Variants in PIGO observed in about 807,000 individuals in gnomAD.
PIGO encodes GPI ethanolamine phosphate transferase 3, catalytic subunit.
In PIGO, 66 loss-of-function variants were observed where a neutral mutation model predicts 86.9. That is an observed-to-expected ratio of 0.76 (90% CI 0.62 to 0.93). The LOEUF is 0.93. PIGO is among the 40% of genes least tolerant of loss of function. The pLI is 0.00. For missense variants in PIGO, 1,202 were observed against 1,359.1 expected (o/e 0.88, Z 1.82); for synonymous variants, 570 against 556.4 (o/e 1.02, Z -0.34).
Position 35,095,094 on chromosome 9 carries a change from T to C in PIGO, c.472A>G (p.Ile158Val), listed in dbSNP as rs905649320. Residue 158 changes from isoleucine to valine, a missense_variant, in exon 2 of 11, where the codon ATA becomes GTA. Coordinates refer to ENST00000378617, the MANE Select transcript of PIGO (RefSeq NM_032634.4). ...TGCTTAATGAGATTGTCTTCCACTATGGCGTGGCTGGCGAAGTTACTACCA... is the reference window on the plus strand; with the variant it reads ...TGCTTAATGAGATTGTCTTCCACTACGGCGTGGCTGGCGAAGTTACTACCA... ...DAGSNFASHA[I>V]VEDNLIKQLT... 1.2e-6 allele frequency: 2 copies of C among 1,611,082 alleles called. No individual in the cohort carries two copies. Among genetic ancestry groups the C allele is most frequent in the East Asian group, 2.2e-5 (1 of 44,874 alleles).
chr9:35,095,266 G>A lies in PIGO; in HGVS notation c.300C>T (p.Phe100=), dbSNP rs760405794. The A allele has an allele frequency of 2.5e-6, 4 of 1,614,036 alleles. No individual in the cohort carries two copies. The East Asian group carries it at 6.7e-5, about 27-fold the overall frequency. The change falls in exon 2 of 11, where the codon TTC becomes TTT. Residue 100 remains phenylalanine (F), a synonymous_variant. Coordinates refer to ENST00000378617, the MANE Select transcript of PIGO (RefSeq NM_032634.4). ...TCTGCAAGGAGCTTAGTTTGCCCAG[G>A]AAGGGTAGGGAGACAGGAGGCTCTC... The part of the protein sequence containing the change: ...VPREPPVSLP[F]LGKLSSLQRI...
chr9:35,093,481 C>T lies in PIGO; in HGVS notation c.879G>A (p.Glu293=), dbSNP rs753637423. The T allele has an allele frequency of 3.7e-6, 6 of 1,614,178 alleles. No homozygotes were observed. In the South Asian group the frequency reaches 6.6e-5, roughly 18 times the overall value. ...TATACAGAAAGAGAGCAGCTGAGAC[C>T]TCCAGCTCACTGTCCCCTCCATGGT... is the stretch of plus-strand genomic sequence containing the variant. The part of the protein sequence containing the change: ...NGDHGGDSEL[E]VSAALFLYSP... The change falls in exon 5 of 11, where the codon GAG becomes GAA. Residue 293 remains glutamate (E), a synonymous_variant. Coordinates refer to ENST00000378617, the MANE Select transcript of PIGO (RefSeq NM_032634.4).
At position 35,092,999 on chromosome 9, in the gene PIGO, T is replaced by C. The variant is rs1829504539; in HGVS notation, c.1119+31A>G. The C allele has an allele frequency of 1.9e-6, 3 of 1,590,934 alleles. No individual in the cohort carries two copies. The East Asian group carries it at 6.8e-5, about 36-fold the overall frequency. ...GCTTCTTTCATGCCCACCCTAGCTC[T>C]GTCACCTGGAAACCCAGCCCGCTTA... On this transcript the variant is annotated intron_variant, in intron 6 of 10. Transcript: ENST00000378617.
At position 35,095,136 on chromosome 9, in the gene PIGO, G is replaced by T. The variant is rs1829606243; in HGVS notation, c.430C>A (p.Pro144Thr). Residue 144 changes from proline to threonine, a missense_variant, in exon 2 of 11, where the codon CCT becomes ACT. Physicochemically the swap from Pro to Thr is conservative, Grantham distance 38. Transcript: ENST00000378617. Reference protein sequence around the residue: ...RLKALTTGSLPTFIDAGSNFA... With the variant: ...RLKALTTGSLTTFIDAGSNFA... ...TTACTACCAGCATCAATAAAGGTAG[G>T]CAGTGAGCCAGTGGTGAGGGCCTTG... is the stretch of plus-strand genomic sequence containing the variant. 1 of 1,614,076 alleles carries T rather than the reference G, an allele frequency of 6.2e-7. No individual in the cohort carries two copies. The highest frequency in any genetic ancestry group is 1.7e-5 in the Admixed American group (1 of 60,012).
At position 35,093,464 on chromosome 9, in the gene PIGO, A is replaced by G; in HGVS notation, c.896T>C (p.Phe299Ser). The G allele has an allele frequency of 6.2e-7, 1 of 1,614,178 alleles. No homozygotes were observed. The highest frequency in any genetic ancestry group is 8.5e-7 in the Non-Finnish European group (1 of 1,180,032). Residue 299 changes from phenylalanine to serine, a missense_variant, in exon 5 of 11, where the codon TTT becomes TCT. Phe to Ser is a radical substitution (Grantham distance 155). Transcript: ENST00000378617. ...DSELEVSAAL[F>S]LYSPTAVFPS... ...GAAGACTGCTGTGGGGCTATACAGA[A>G]AGAGAGCAGCTGAGACCTCCAGCTC...
Position 35,090,295 on chromosome 9 carries a change from G to A in PIGO, c.2855-15C>T. On this transcript the variant is annotated splice_polypyrimidine_tract_variant and intron_variant, in intron 8 of 10. Coordinates refer to ENST00000378617, the MANE Select transcript of PIGO (RefSeq NM_032634.4). ...TGGGCAACCTACTGCCTCAAGAGAG[G>A]GTATGGCTGGAATCAACAGGCCACC... 1.2e-6 allele frequency: 2 copies of A among 1,608,644 alleles called. No homozygotes were observed. The highest frequency in any genetic ancestry group is 1.7e-4 in the Middle Eastern group (1 of 5,962).
rs1829671800 is a variant in PIGO at position 35,096,322 on chromosome 9, G to A, written c.-169C>T. ...GGCGGCCAGGTTCGCCAGGAGACCT[G>A]AGGCACGACCTTCGCCACGCAAGGA... On this transcript the variant is annotated 5_prime_UTR_variant, in exon 1 of 11. Coordinates refer to ENST00000378617, the MANE Select transcript of PIGO (RefSeq NM_032634.4). 6.6e-6 allele frequency: 1 copy of A among 152,240 alleles called. No homozygotes were observed. The highest frequency in any genetic ancestry group is 1.5e-5 in the Non-Finnish European group (1 of 68,058). The allele number at this position is 152,240 out of a possible 1,614,324, so 9.4% of individuals were successfully genotyped here.
Position 35,095,458 on chromosome 9 carries a change from G to T in PIGO, c.108C>A (p.Thr36=). 1 of 1,613,934 alleles carries T rather than the reference G, an allele frequency of 6.2e-7. No individual in the cohort carries two copies. The highest frequency in any genetic ancestry group is 1.1e-5 in the South Asian group (1 of 91,078). ...SGFLLTRLEL[T]NHSSCQEPPG... ...GGGGCTCTTGGCAGCTGCTATGGTT[G>T]GTGAGCTCCAAACGGGTGAGCAGGA... Residue 36 remains threonine, a synonymous_variant, in exon 2 of 11, where the codon ACC becomes ACA. Coordinates refer to ENST00000378617, the MANE Select transcript of PIGO (RefSeq NM_032634.4).
At chr9:35,089,786 A>G (rs1829330133) in intron 9 of PIGO, 11 of 1,390,352 alleles carry the variant, frequency 7.9e-6, no homozygotes, top group Middle Eastern at 5.4e-4. Flanking sequence ...AATCCTGGCT[A>G]TCACCTCAGT....
Position 35,093,202 on chromosome 9 carries a change from T to A in PIGO, c.947A>T (p.Glu316Val), listed in dbSNP as rs1829514899. 6.2e-7 allele frequency: 1 copy of A among 1,608,704 alleles called. No homozygotes were observed. The highest frequency in any genetic ancestry group is 8.5e-7 in the Non-Finnish European group (1 of 1,175,784). ...VFPSTPPEEP[E>V]VIPQVSLVPT... Reference sequence around the variant, plus strand: ...CACAAGGCTAACTTGAGGAATCACCTCTGGCTCCTAAAGGAAAATGACAGT... The same window carrying A: ...CACAAGGCTAACTTGAGGAATCACCACTGGCTCCTAAAGGAAAATGACAGT... Residue 316 changes from glutamate (E) to valine (V), a missense_variant, in exon 6 of 11, where the codon GAG becomes GTG. Transcript: ENST00000378617.
Position 35,089,429 on chromosome 9 carries a change from C to CG in PIGO, c.3090_3091insC (p.Ala1031ArgfsTer17), listed in dbSNP as rs774479936. On this transcript the variant is annotated frameshift_variant, in exon 10 of 11. Coordinates refer to ENST00000378617, the MANE Select transcript of PIGO (RefSeq NM_032634.4). LOFTEE classifies it high-confidence loss of function. ...ATGAGATGCCTGCGAAGGATGGAGG[C>CG]TGCCAAGGCACAGGCCAGAATCTAG... 1 of 1,614,218 alleles carries CG rather than the reference C, an allele frequency of 6.2e-7. No homozygotes were observed. Among genetic ancestry groups the CG allele is most frequent in the Non-Finnish European group, 8.5e-7 (1 of 1,180,046 alleles).
Position 35,090,276 on chromosome 9 carries a change from A to C in PIGO, c.2859T>G (p.Gly953=), listed in dbSNP as rs776495624. The C allele has an allele frequency of 3.7e-6, 6 of 1,613,292 alleles. No homozygotes were observed. Among genetic ancestry groups the C allele is most frequent in the Non-Finnish European group, 4.2e-6 (5 of 1,179,448 alleles). Residue 953 remains glycine, a synonymous_variant, in exon 9 of 11, where the codon GGT becomes GGG. Coordinates refer to ENST00000378617, the MANE Select transcript of PIGO (RefSeq NM_032634.4). ...TFASHLLFAV[G]CPLLLLWPFL... is the part of the protein sequence containing the mutation. Reference sequence around the variant, plus strand: ...AAGGCCAGAGCAGGAGCAGTGGGCAACCTACTGCCTCAAGAGAGGGTATGG... The same window carrying C: ...AAGGCCAGAGCAGGAGCAGTGGGCACCCTACTGCCTCAAGAGAGGGTATGG...
At chr9:35,093,318 AT>A in intron 5 of PIGO, 102 bp downstream of exon 5, 1 of 1,577,670 alleles carries the variant, frequency 6.3e-7, no homozygotes, top group Non-Finnish European at 8.6e-7. Flanking sequence ...GATACCCAGG[AT>A]CATGGATTTG....
rs1160574851 is a variant in PIGO, at chr9:35,095,383, G to A, written c.183C>T (p.Cys61=). 6.2e-7 allele frequency: 1 copy of A among 1,614,156 alleles called. No homozygotes were observed. The highest frequency in any genetic ancestry group is 8.5e-7 in the Non-Finnish European group (1 of 1,180,028). The stretch of plus-strand genomic sequence containing the variant: ...CCCGCGAAAATCGGGAAGCCATCCA[G>A]CAGGCCCCAGGTTTCCCTTGGCTCC... ...PWGSQGKPGA[C]WMASRFSRVV... Residue 61 remains cysteine (C), a synonymous_variant, in exon 2 of 11, where the codon TGC becomes TGT. Coordinates refer to ENST00000378617, the MANE Select transcript of PIGO (RefSeq NM_032634.4).
In PIGO at chr9:35,096,529, G is replaced by C. The variant is rs1025595699; in HGVS notation, c.-376C>G. ...TTACTTCAGGGTGAGGGGAATACCG[G>C]GGGGTGAGGTTCTCGGGAGACCCTG... On this transcript the variant is annotated 5_prime_UTR_variant, in exon 1 of 11. Coordinates refer to ENST00000378617, the MANE Select transcript of PIGO (RefSeq NM_032634.4). 6.6e-6 allele frequency: 1 copy of C among 152,662 alleles called. No homozygotes were observed. Among genetic ancestry groups the C allele is most frequent in the Admixed American group, 6.5e-5 (1 of 15,296 alleles). The allele number at this position is 152,662 out of a possible 1,614,324, so 9.5% of individuals were successfully genotyped here.
chr9:35,089,040 A>T lies in PIGO; in HGVS notation c.*52T>A. 6.2e-7 allele frequency: 1 copy of T among 1,611,194 alleles called. No homozygotes were observed. The highest frequency in any genetic ancestry group is 8.5e-7 in the Non-Finnish European group (1 of 1,178,764). ...ATCCAGTACCTGTACAGGCCAGGCT[A>T]CACTGTTCTCAAGCACTCTCTGTAG... On this transcript the variant is annotated 3_prime_UTR_variant, in exon 11 of 11. Coordinates refer to ENST00000378617, the MANE Select transcript of PIGO (RefSeq NM_032634.4).
In PIGO at chr9:35,088,823, G is replaced by A; in HGVS notation, c.*269C>T. 3 of 366,052 alleles carry A rather than the reference G, an allele frequency of 8.2e-6. No individual in the cohort carries two copies. The highest frequency in any genetic ancestry group is 1.5e-5 in the Non-Finnish European group (3 of 197,626). 22.7% of individuals were successfully genotyped at this position (366,052 alleles called of 1,614,324 possible). Reference sequence around the variant, plus strand: ...GCCTCCCAAAGTGCTGGGATTATAGGTGCAAGTCACCACGCCCGGCCTATT... The same window carrying A: ...GCCTCCCAAAGTGCTGGGATTATAGATGCAAGTCACCACGCCCGGCCTATT... On this transcript the variant is annotated 3_prime_UTR_variant, in exon 11 of 11. Transcript: ENST00000378617.
intron 1 of PIGO, 121 bp downstream of exon 1, chr9:35,096,034 G>A (rs963276819): frequency 1.3e-5 from 2 of 158,906 alleles, no homozygotes; most frequent in Non-Finnish European, 2.8e-5. Flanking sequence ...TACTGAATCA[G>A]GATCTTCGAG....
intron 4 of PIGO, 116 bp from the exon 5 acceptor site, chr9:35,093,696 T>G: frequency 7.0e-7 from 1 of 1,423,936 alleles, no homozygotes; most frequent in Non-Finnish European, 9.4e-7. Flanking sequence ...TAGTAAGGCC[T>G]AGACCTTTGG....
Sources: gnomAD v4.1 joint callset for allele counts on GRCh38, gnomAD v4.1.1 for gene constraint, MANE v1.5 for transcripts, NCBI Gene and HGNC (gene_info 2026-07-23, HGNC 2026-07-21) for gene names.